Variants in SYNDIG1 observed in about 807,000 individuals in gnomAD.
The protein encoded by SYNDIG1 is synapse differentiation inducing 1, also known as synapse differentiation-inducing gene protein 1.
A neutral mutation model predicts 19.4 loss-of-function variants in SYNDIG1; 9 were observed. The observed-to-expected ratio is 0.46, with a 90% CI of 0.28 to 0.81. SYNDIG1 has a LOEUF of 0.81. Ranked by LOEUF, SYNDIG1 falls within the 30% of genes least tolerant of loss-of-function variation. The pLI is 0.12. For missense variants in SYNDIG1, 311 were observed against 343.3 expected (o/e 0.91, Z 0.74); for synonymous variants, 141 against 145.9 (o/e 0.97, Z 0.24).
chr20:24,600,755 C>T (rs2058667718), intron 3 of SYNDIG1, among the ~76,000 whole-genome samples: 1 of 152,040 alleles, frequency 6.6e-6, no homozygotes. Context: ...GCTGGGATTA[C>T]AGGTGCCCGC....
chr20:24,573,899 G>T lies in SYNDIG1; in HGVS notation c.481-10957G>T, dbSNP rs141072375. Among the ~76,000 whole-genome samples the T allele has an allele frequency of 5.3e-5, 8 of 152,278 alleles. No homozygotes were observed. The East Asian group carries it at 1.5e-3, about 29-fold the overall frequency. On this transcript the variant is annotated intron_variant, in intron 2 of 3. Coordinates refer to ENST00000376862, the MANE Select transcript of SYNDIG1 (RefSeq NM_024893.3). ...CTCCCCTTACCCCACACCTTCTCAGGTGTTACCCTTGCCTGAGACACCCCT... is the reference window on the plus strand; with the variant it reads ...CTCCCCTTACCCCACACCTTCTCAGTTGTTACCCTTGCCTGAGACACCCCT...
intron 1 of SYNDIG1, among the ~76,000 whole-genome samples, chr20:24,513,022 G>T (rs887083605): frequency 3.3e-5 from 5 of 152,136 alleles, no homozygotes; most frequent in African/African-American, 4.8e-5. Flanking sequence ...ACAGGGTCTG[G>T]AGTGGACCTC....
At chr20:24,638,920 G>A (rs555503402) in intron 3 of SYNDIG1, among the ~76,000 whole-genome samples, 2 of 152,272 alleles carry the variant, frequency 1.3e-5, no homozygotes, top group African/African-American at 4.8e-5. Flanking sequence ...AAAGGTCATA[G>A]GCCAGGCACG....
intron 1 of SYNDIG1, among the ~76,000 whole-genome samples, chr20:24,542,808 T>C (rs537720351): frequency 6.6e-6 from 1 of 152,318 alleles, no homozygotes; most frequent in Non-Finnish European, 1.5e-5. Flanking sequence ...TTTATAGAGA[T>C]TCAGGTAATC....
At chr20:24,494,483 G>A (rs1287295372) in intron 1 of SYNDIG1, among the ~76,000 whole-genome samples, 2 of 152,320 alleles carry the variant, frequency 1.3e-5, no homozygotes, top group East Asian at 1.9e-4. Flanking sequence ...AGAGAGTGGC[G>A]TAGGCAGTGG....
chr20:24,608,687 G>C (rs2058800213), intron 3 of SYNDIG1, among the ~76,000 whole-genome samples: 1 of 152,182 alleles, frequency 6.6e-6, no homozygotes, highest in African/African-American at 2.4e-5. Flanking sequence ...TACCTTTCCT[G>C]TTGGTAAGCA....
chr20:24,649,529 C>T lies in SYNDIG1; in HGVS notation c.619-15817C>T, dbSNP rs2059449938. 2.0e-5 allele frequency among the ~76,000 whole-genome samples: 3 copies of T among 152,298 alleles called. No individual in the cohort carries two copies. In the South Asian group the frequency reaches 6.2e-4, roughly 32 times the overall value. On this transcript the variant is annotated intron_variant, in intron 3 of 3. Coordinates refer to ENST00000376862, the MANE Select transcript of SYNDIG1 (RefSeq NM_024893.3). The stretch of plus-strand genomic sequence containing the variant: ...AGCCTGACTTGAGGTCTCGATTGCT[C>T]ACTTACAGTCCAGGACAGACACAAA...
At chr20:24,609,756 T>C (rs544550601) in intron 3 of SYNDIG1, among the ~76,000 whole-genome samples, 16 of 152,248 alleles carry the variant, frequency 1.1e-4, no homozygotes, top group African/African-American at 3.4e-4. Context: ...AGAAGCTCCA[T>C]GGTTTGGGGC....
intron 3 of SYNDIG1, among the ~76,000 whole-genome samples, chr20:24,622,813 A>G (rs1156577811): frequency 6.6e-6 from 1 of 152,228 alleles, no homozygotes; most frequent in Non-Finnish European, 1.5e-5. Flanking sequence ...GAATATTCCA[A>G]TATTAGTCAT....
At chr20:24,494,159 C>T (rs1388109220) in intron 1 of SYNDIG1, among the ~76,000 whole-genome samples, 6 of 151,922 alleles carry the variant, frequency 3.9e-5, no homozygotes, top group South Asian at 2.1e-4. Flanking sequence ...GGGGGCGGGG[C>T]GGCGCGCATG....
rs573045957 is a variant in SYNDIG1, at chr20:24,544,190, C to T, written c.480+613C>T. On this transcript the variant is annotated intron_variant, in intron 2 of 3. Coordinates refer to ENST00000376862, the MANE Select transcript of SYNDIG1 (RefSeq NM_024893.3). ...CATGCACAGAGATGTACACACTGCA[C>T]GTTGGATATAGTGTGGTAGGCACAG... 5.4e-4 allele frequency among the ~76,000 whole-genome samples: 82 copies of T among 152,308 alleles called. 1 individual carries two copies. The highest frequency in any genetic ancestry group is 1.0e-3 in the South Asian group (5 of 4,826).
intron 1 of SYNDIG1, among the ~76,000 whole-genome samples, chr20:24,472,450 T>C (rs2055495821): frequency 6.6e-6 from 1 of 152,246 alleles, no homozygotes; most frequent in Non-Finnish European, 1.5e-5. Flanking sequence ...CTTGAGTTAT[T>C]TTTCTCATTA....
chr20:24,661,651 G>A (rs1346694478), intron 3 of SYNDIG1, among the ~76,000 whole-genome samples: 1 of 151,840 alleles, frequency 6.6e-6, no homozygotes, highest in Non-Finnish European at 1.5e-5. Context: ...CCTTCAGCAT[G>A]CCAGCATATG....
At chr20:24,494,517 G>T (rs964317378) in intron 1 of SYNDIG1, among the ~76,000 whole-genome samples, 1 of 152,178 alleles carries the variant, frequency 6.6e-6, no homozygotes, top group African/African-American at 2.4e-5. Context: ...AGGGCGCCTG[G>T]TGCTGACATC....
intron 3 of SYNDIG1, among the ~76,000 whole-genome samples, chr20:24,609,394 G>T (rs760949243): frequency 2.2e-4 from 33 of 152,240 alleles, no homozygotes; most frequent in Middle Eastern, 6.8e-3. Context: ...TTTTTAACCT[G>T]TCTAGACTGT....
chr20:24,478,106 G>A (rs2055687447), intron 1 of SYNDIG1, among the ~76,000 whole-genome samples: 1 of 152,226 alleles, frequency 6.6e-6, no homozygotes, highest in African/African-American at 2.4e-5. Context: ...TTCAGGTCTG[G>A]ATGAAATAGA....
intron 1 of SYNDIG1, among the ~76,000 whole-genome samples, chr20:24,489,485 A>G (rs2056083035): frequency 6.6e-6 from 1 of 151,772 alleles, no homozygotes; most frequent in Non-Finnish European, 1.5e-5. Context: ...ATGGACACAC[A>G]GACACATGGA....
At chr20:24,472,184 C>T (rs1033088524) in intron 1 of SYNDIG1, among the ~76,000 whole-genome samples, 4 of 152,074 alleles carry the variant, frequency 2.6e-5, no homozygotes, top group African/African-American at 9.7e-5. Flanking sequence ...AAAGGAAAAC[C>T]TGCCAACTTT....
intron 3 of SYNDIG1, among the ~76,000 whole-genome samples, chr20:24,631,969 A>G (rs1187072121): frequency 6.6e-6 from 1 of 152,230 alleles, no homozygotes; most frequent in Non-Finnish European, 1.5e-5. Flanking sequence ...GCTTATAGTT[A>G]CATCAACCAA....
Sources: allele counts gnomAD v4.1 joint callset (sites outside exome capture counted in the v4.1 genomes callset), GRCh38; gene constraint gnomAD v4.1.1; transcripts MANE v1.5; gene names NCBI Gene and HGNC (gene_info 2026-07-23, HGNC 2026-07-21).